PRKCA: variants seen among roughly 807,000 people sequenced by gnomAD.
PRKCA encodes the protein protein kinase C alpha type.
A neutral mutation model predicts 87.0 loss-of-function variants in PRKCA; 27 were observed. That is an observed-to-expected ratio of 0.31 (90% CI 0.23 to 0.43). The LOEUF is 0.43. Among genes scored for constraint, PRKCA ranks in the 20% least tolerant of loss-of-function variants. PRKCA has a pLI of 1.00. For synonymous variants in PRKCA, 329 were observed against 311.1 expected, an observed-to-expected ratio of 1.06 and a Z score of -0.61; for missense variants, 518 against 852.3, an observed-to-expected ratio of 0.61 and a Z score of 4.88.
intron 8 of PRKCA, among the ~76,000 whole-genome samples, chr17:66,719,997 A>G (rs1598895789): frequency 6.6e-6 from 1 of 152,242 alleles, no homozygotes; most frequent in Admixed American, 6.5e-5. Context: ...GAGGACCACC[A>G]TGCCCCAAAC....
At chr17:66,610,054 C>T (rs957585330) in intron 3 of PRKCA, among the ~76,000 whole-genome samples, 3 of 152,160 alleles carry the variant, frequency 2.0e-5, no homozygotes, top group Admixed American at 2.0e-4. Flanking sequence ...ACACTGCCCC[C>T]CACCATCCCT....
intron 8 of PRKCA, among the ~76,000 whole-genome samples, chr17:66,707,261 T>C (rs7217618): frequency 0.49 from 75,159 of 152,054 alleles, 18,982 homozygotes; most frequent in African/African-American, 0.59. Context: ...CCTTGACTTA[T>C]GCAGTCTAAA....
At chr17:66,764,014 G>A (rs1974742792) in intron 13 of PRKCA, among the ~76,000 whole-genome samples, 1 of 152,192 alleles carries the variant, frequency 6.6e-6, no homozygotes, top group Non-Finnish European at 1.5e-5. Context: ...ACTGGATCAA[G>A]GCCTTCAGTA....
chr17:66,307,692 A>G (rs2050323812), intron 2 of PRKCA, among the ~76,000 whole-genome samples: 1 of 152,132 alleles, frequency 6.6e-6, no homozygotes, highest in East Asian at 1.9e-4. Context: ...ACTAGGCTCT[A>G]GGGGGTTTTG....
intron 3 of PRKCA, among the ~76,000 whole-genome samples, chr17:66,551,911 G>A (rs1968347659): frequency 6.6e-6 from 1 of 152,100 alleles, no homozygotes; most frequent in Non-Finnish European, 1.5e-5. Context: ...GTAGGATTTT[G>A]TTATTTTATA....
intron 11 of PRKCA, among the ~76,000 whole-genome samples, chr17:66,739,899 G>A (rs1301175628): frequency 6.6e-6 from 1 of 152,136 alleles, no homozygotes; most frequent in Non-Finnish European, 1.5e-5. Flanking sequence ...GAGCTCTCTG[G>A]GGGAAGAAGG....
chr17:66,690,102 C>T (rs1972739451), intron 8 of PRKCA, among the ~76,000 whole-genome samples: 1 of 152,090 alleles, frequency 6.6e-6, no homozygotes, highest in African/African-American at 2.4e-5. Flanking sequence ...CTTCATGCCC[C>T]CCACAAAAGA....
chr17:66,314,534 T>C (rs112170516), intron 2 of PRKCA, among the ~76,000 whole-genome samples: 42 of 152,324 alleles, frequency 2.8e-4, no homozygotes, highest in African/African-American at 9.9e-4. Context: ...CAAGTAAGAT[T>C]AGCGTAAGGG....
chr17:66,714,330 A>C (rs1313112687), intron 8 of PRKCA, among the ~76,000 whole-genome samples: 2 of 152,024 alleles, frequency 1.3e-5, no homozygotes, highest in African/African-American at 4.8e-5. Flanking sequence ...ACCATGTGTA[A>C]AGGGAAAAGT....
chr17:66,545,204 A>G (rs58433448), intron 3 of PRKCA, among the ~76,000 whole-genome samples: 7,486 of 151,868 alleles, frequency 0.049, 229 homozygotes, highest in East Asian at 0.1. Flanking sequence ...CAAGGCGGGC[A>G]GATCACGAGG....
chr17:66,721,682 G>T (rs569451788), intron 8 of PRKCA, among the ~76,000 whole-genome samples: 1 of 152,302 alleles, frequency 6.6e-6, no homozygotes, highest in African/African-American at 2.4e-5. Flanking sequence ...ATAATGAGCA[G>T]CAAGGAAGCC....
chr17:66,412,387 T>C (rs1422375358), intron 2 of PRKCA, among the ~76,000 whole-genome samples: 1 of 152,216 alleles, frequency 6.6e-6, no homozygotes, highest in Non-Finnish European at 1.5e-5. Flanking sequence ...ATTTATTTAC[T>C]TTTGCACTTT....
intron 16 of PRKCA, among the ~76,000 whole-genome samples, chr17:66,790,490 G>C (rs1975505860): frequency 6.6e-6 from 1 of 152,118 alleles, no homozygotes; most frequent in Non-Finnish European, 1.5e-5. Context: ...GTGATTAATG[G>C]TGCTGCAAGT....
At chr17:66,585,307 C>A (rs778316318) in intron 3 of PRKCA, among the ~76,000 whole-genome samples, 3 of 152,158 alleles carry the variant, frequency 2.0e-5, no homozygotes, top group Non-Finnish European at 4.4e-5. Context: ...ACGCCTGACC[C>A]CCAGGTAGCC....
intron 8 of PRKCA, among the ~76,000 whole-genome samples, chr17:66,728,393 T>C (rs1022288679): frequency 4.6e-5 from 7 of 152,198 alleles, no homozygotes; most frequent in South Asian, 2.1e-4. Context: ...GAAACTCAGC[T>C]CTGCTTCCGG....
intron 2 of PRKCA, chr17:66,339,974 G>A (rs1461537889): frequency 6.6e-6 from 1 of 152,184 alleles, no homozygotes; most frequent in Non-Finnish European, 1.5e-5. Context: ...GGAGGTGAAA[G>A]TGAAAGGTCT....
intron 3 of PRKCA, among the ~76,000 whole-genome samples, chr17:66,525,999 A>G (rs963735773): frequency 1.3e-5 from 2 of 152,216 alleles, no homozygotes; most frequent in African/African-American, 4.8e-5. Flanking sequence ...TATGATAATG[A>G]TATACCATAT....
At chr17:66,563,172 C>T (rs1435942814) in intron 3 of PRKCA, among the ~76,000 whole-genome samples, 1 of 152,130 alleles carries the variant, frequency 6.6e-6, no homozygotes, top group Non-Finnish European at 1.5e-5. Flanking sequence ...TTTCTTACAA[C>T]TGATGCAATA....
chr17:66,753,757 G>A (rs1447580231), intron 13 of PRKCA, among the ~76,000 whole-genome samples: 3 of 152,104 alleles, frequency 2.0e-5, no homozygotes, highest in Non-Finnish European at 4.4e-5. Flanking sequence ...GGGAGGGGAA[G>A]AGGCCACAGG....
Sources: allele counts gnomAD v4.1 joint callset (sites outside exome capture counted in the v4.1 genomes callset), GRCh38; gene constraint gnomAD v4.1.1; transcripts MANE v1.5; gene names NCBI Gene and HGNC (gene_info 2026-07-23, HGNC 2026-07-21).